CPAP: variants seen among roughly 807,000 people sequenced by gnomAD.
CPAP encodes centrosomal P4.1-associated protein.
At chr13:24,912,683 G>C in the CPAP span, 7 of 1,613,968 alleles carry the variant, frequency 4.3e-6, no homozygotes, top group African/African-American at 9.3e-5. Context: ...TGGTGTCCAG[G>C]AGCACTGTGA....
At chr13:24,915,495 T>C in the CPAP span, among the ~76,000 whole-genome samples, 6 of 152,060 alleles carry the variant, frequency 3.9e-5, no homozygotes, top group South Asian at 2.1e-4. Context: ...CAATGAGGGA[T>C]TGAGGGTAGT....
the CPAP span, chr13:24,883,827 T>TG: frequency 3.3e-6 from 3 of 919,168 alleles, no homozygotes; most frequent in South Asian, 4.0e-5. Flanking sequence ...GACATGCCTG[T>TG]GGGACATTCA....
the CPAP span, among the ~76,000 whole-genome samples, chr13:24,923,067 A>G: frequency 2.6e-5 from 4 of 152,186 alleles, no homozygotes; most frequent in African/African-American, 4.8e-5. Context: ...GGGGCGGAAA[A>G]CCGTTTCCGG....
chr13:24,932,474 TC>T, the CPAP span, among the ~76,000 whole-genome samples: 1 of 152,158 alleles, frequency 6.6e-6, no homozygotes, highest in Non-Finnish European at 1.5e-5. Flanking sequence ...AGACTCCATC[TC>T]CCTCCCAAAA....
the CPAP span, chr13:24,899,675 TA>T: frequency 1.1e-6 from 1 of 951,066 alleles, no homozygotes; most frequent in Non-Finnish European, 1.7e-6. Flanking sequence ...CTGCTAGTCC[TA>T]GTGAATTCAT....
chr13:24,917,124 C>T, the CPAP span, among the ~76,000 whole-genome samples: 7 of 152,046 alleles, frequency 4.6e-5, no homozygotes, highest in African/African-American at 1.4e-4. Flanking sequence ...GTGGCGGGCA[C>T]CTGTAGTCCC....
At chr13:24,923,720 C>T in the CPAP span, among the ~76,000 whole-genome samples, 1 of 152,230 alleles carries the variant, frequency 6.6e-6, no homozygotes, top group African/African-American at 2.4e-5. Context: ...AAAACTATTT[C>T]ACAGAAATTT....
At chr13:24,925,803 C>T in the CPAP span, 2 of 152,636 alleles carry the variant, frequency 1.3e-5, no homozygotes, top group African/African-American at 2.4e-5. Context: ...GAGTAGGTAC[C>T]AGGAAGCATA....
chr13:24,896,989 G>C, the CPAP span, among the ~76,000 whole-genome samples: 1 of 152,294 alleles, frequency 6.6e-6, no homozygotes, highest in East Asian at 1.9e-4. Flanking sequence ...AACTCAGATT[G>C]TTTAAAAGAA....
chr13:24,905,539 G>T, the CPAP span: 3 of 1,613,974 alleles, frequency 1.9e-6, no homozygotes, highest in South Asian at 1.1e-5. Context: ...TTTTGTCCAG[G>T]ATACCTATTT....
At chr13:24,907,280 C>A in the CPAP span, 2 of 1,154,890 alleles carry the variant, frequency 1.7e-6, no homozygotes, top group Admixed American at 1.9e-5. Context: ...AAACCCTTGA[C>A]AACATGGAGA....
chr13:24,902,264 A>G, the CPAP span, among the ~76,000 whole-genome samples: 1 of 152,174 alleles, frequency 6.6e-6, no homozygotes. Context: ...AACAACAAAA[A>G]AACAAAAACC....
At chr13:24,895,329 A>C in the CPAP span, among the ~76,000 whole-genome samples, 1 of 152,138 alleles carries the variant, frequency 6.6e-6, no homozygotes, top group Admixed American at 6.5e-5. Flanking sequence ...TAATCCCAGC[A>C]CTTTGGGAGG....
At chr13:24,884,482 A>G in the CPAP span, 476 of 1,613,504 alleles carry the variant, frequency 3.0e-4, 1 homozygote, top group Middle Eastern at 6.6e-4. Context: ...CCAACACAAG[A>G]TTATCACCTA....
chr13:24,892,322 G>A, the CPAP span, among the ~76,000 whole-genome samples: 20 of 152,202 alleles, frequency 1.3e-4, no homozygotes, highest in Non-Finnish European at 2.5e-4. Flanking sequence ...AGTCTGCAAA[G>A]TACCCGTTTA....
the CPAP span, among the ~76,000 whole-genome samples, chr13:24,888,071 T>C: frequency 6.6e-6 from 1 of 152,146 alleles, no homozygotes; most frequent in Non-Finnish European, 1.5e-5. Flanking sequence ...TGCATATATC[T>C]TTACTAAATT....
chr13:24,905,510 G>A, the CPAP span: 1 of 1,614,124 alleles, frequency 6.2e-7, no homozygotes, highest in Middle Eastern at 1.6e-4. Flanking sequence ...CTTGACTGGT[G>A]CAATCTTCCT....
chr13:24,898,515 T>C, the CPAP span, among the ~76,000 whole-genome samples: 1 of 152,226 alleles, frequency 6.6e-6, no homozygotes, highest in African/African-American at 2.4e-5. Flanking sequence ...AATGATAATA[T>C]ATTTATATTA....
the CPAP span, among the ~76,000 whole-genome samples, chr13:24,887,243 C>T: frequency 1.1e-4 from 16 of 152,310 alleles, no homozygotes; most frequent in East Asian, 2.5e-3. Context: ...GGAGAAGATA[C>T]TGATTTGCAA....
Sources: gnomAD v4.1 joint callset for allele counts (sites outside exome capture counted in the v4.1 genomes callset) on GRCh38, gnomAD v4.1.1 for gene constraint, MANE v1.5 for transcripts, NCBI Gene and HGNC (gene_info 2026-07-23, HGNC 2026-07-21) for gene names.